Variants in SLC35F2 observed in about 807,000 individuals in gnomAD.
SLC35F2 encodes the protein queuine/queuosine transporter SLC35F2.
Under a neutral mutation model 38.1 loss-of-function variants are expected in SLC35F2, and 25 were observed. That is an observed-to-expected ratio of 0.66 (90% CI 0.48 to 0.92). SLC35F2 has a LOEUF of 0.92. Among genes scored for constraint, SLC35F2 ranks in the 40% least tolerant of loss-of-function variants. The pLI, the probability that SLC35F2 is intolerant of heterozygous loss-of-function variation, is 0.00. For missense variants in SLC35F2, 409 were observed against 452.9 expected (o/e 0.90, Z 0.88); for synonymous variants, 173 against 181.7 (o/e 0.95, Z 0.38).
intron 5 of SLC35F2, 59 bp downstream of exon 5, chr11:107,805,300 G>A: frequency 6.7e-7 from 1 of 1,498,940 alleles, no homozygotes. Flanking sequence ...AATATTAGTA[G>A]TTATCATCTA....
At chr11:107,826,213 A>T (rs1317434798) in intron 1 of SLC35F2, among the ~76,000 whole-genome samples, 1 of 152,194 alleles carries the variant, frequency 6.6e-6, no homozygotes, top group Admixed American at 6.5e-5. Flanking sequence ...AAATGTGGAG[A>T]AAAATGGGTA....
intron 1 of SLC35F2, chr11:107,816,192 C>T (rs1859571258): frequency 1.0e-6 from 1 of 985,252 alleles, no homozygotes; most frequent in Non-Finnish European, 1.2e-6. Flanking sequence ...AAAGCATATT[C>T]CCCCATTTCA....
intron 1 of SLC35F2, chr11:107,823,304 T>C (rs73003337): frequency 0.011 from 7,819 of 725,656 alleles, 56 homozygotes; most frequent in Non-Finnish European, 0.013. Context: ...GATGCATTAT[T>C]TGAATGCAAA....
rs566226785 is a variant in SLC35F2, at chr11:107,832,015, G to A, written c.111-16050C>T. ...CACCAGTTATAGTTTCTTATGGAGC[G>A]GGACATTTCTGAAATTGGCAAAATA... On this transcript the variant is annotated intron_variant, in intron 1 of 7. Coordinates refer to ENST00000525815, the MANE Select transcript of SLC35F2 (RefSeq NM_017515.5). 8.5e-5 allele frequency among the ~76,000 whole-genome samples: 13 copies of A among 152,160 alleles called. 1 individual carries two copies. Among genetic ancestry groups the A allele is most frequent in the South Asian group, 2.1e-4 (1 of 4,820 alleles).
At chr11:107,808,384 T>A (rs1456321962) in intron 3 of SLC35F2, among the ~76,000 whole-genome samples, 1 of 152,178 alleles carries the variant, frequency 6.6e-6, no homozygotes, top group Non-Finnish European at 1.5e-5. Flanking sequence ...ACTCAATTCT[T>A]AAATTCACAA....
chr11:107,792,948 G>A (rs1205762313), intron 7 of SLC35F2, 148 bp from the exon 8 acceptor site: 22 of 1,326,132 alleles, frequency 1.7e-5, no homozygotes, highest in Non-Finnish European at 1.8e-5. Context: ...ACAGGGTCTC[G>A]CTCTGTGGCC....
chr11:107,842,972 G>C (rs1439145103), intron 1 of SLC35F2, among the ~76,000 whole-genome samples: 1 of 152,140 alleles, frequency 6.6e-6, no homozygotes, highest in East Asian at 1.9e-4. Flanking sequence ...ATATTACAAA[G>C]AGTCAAAGTG....
chr11:107,852,515 C>A (rs1363166195), intron 1 of SLC35F2, among the ~76,000 whole-genome samples: 2 of 145,658 alleles, frequency 1.4e-5, no homozygotes, highest in African/African-American at 5.1e-5. Flanking sequence ...TGTGCTACTG[C>A]ATTCCAGCTG....
At chr11:107,845,429 G>A (rs1860091130) in intron 1 of SLC35F2, among the ~76,000 whole-genome samples, 1 of 151,826 alleles carries the variant, frequency 6.6e-6, no homozygotes, top group African/African-American at 2.4e-5. Flanking sequence ...GCTGAGGCTG[G>A]AGGATTGCTT....
chr11:107,846,266 C>T (rs1035968584), intron 1 of SLC35F2, among the ~76,000 whole-genome samples: 6 of 151,112 alleles, frequency 4.0e-5, no homozygotes, highest in African/African-American at 1.2e-4. Flanking sequence ...TGAAAAAAAT[C>T]AGACAAATAA....
chr11:107,844,789 A>G (rs1283988615), intron 1 of SLC35F2, among the ~76,000 whole-genome samples: 1 of 151,884 alleles, frequency 6.6e-6, no homozygotes, highest in African/African-American at 2.4e-5. Flanking sequence ...CCTGGCTAAC[A>G]TGGTGAAACC....
At chr11:107,800,769 A>G (rs926609511) in intron 7 of SLC35F2, among the ~76,000 whole-genome samples, 1 of 152,018 alleles carries the variant, frequency 6.6e-6, no homozygotes, top group Admixed American at 6.6e-5. Context: ...ATTTTTTTGT[A>G]GGGATGGGGT....
chr11:107,833,233 T>G (rs12146459), intron 1 of SLC35F2, among the ~76,000 whole-genome samples: 8,785 of 151,840 alleles, frequency 0.058, 527 homozygotes, highest in African/African-American at 0.15. Flanking sequence ...GCTAAGAGAG[T>G]TGAAATGGCT....
At chr11:107,822,671 A>G (rs1279422304) in intron 1 of SLC35F2, among the ~76,000 whole-genome samples, 1 of 152,146 alleles carries the variant, frequency 6.6e-6, no homozygotes, top group Non-Finnish European at 1.5e-5. Context: ...TGCCTGGCAA[A>G]TAGGGTATTT....
chr11:107,815,213 A>G (rs12791390), intron 2 of SLC35F2, among the ~76,000 whole-genome samples: 13,762 of 150,572 alleles, frequency 0.091, 762 homozygotes, highest in African/African-American at 0.16. Context: ...AATATTTTAA[A>G]ATATTTTTAA....
chr11:107,831,636 A>C (rs1036690918), intron 1 of SLC35F2, among the ~76,000 whole-genome samples: 1 of 152,220 alleles, frequency 6.6e-6, no homozygotes, highest in African/African-American at 2.4e-5. Context: ...CATTAATCCT[A>C]TATTTCCCAG....
intron 1 of SLC35F2, among the ~76,000 whole-genome samples, chr11:107,825,378 T>C (rs1385570727): frequency 5.5e-5 from 8 of 145,898 alleles, no homozygotes; most frequent in African/African-American, 1.1e-4. Flanking sequence ...TTTTTTTTTT[T>C]CTTTTTTTTT....
intron 1 of SLC35F2, among the ~76,000 whole-genome samples, chr11:107,835,123 C>T (rs987468309): frequency 6.6e-6 from 1 of 152,330 alleles, no homozygotes; most frequent in African/African-American, 2.4e-5. Context: ...AAATCATTAA[C>T]ACGCACACTC....
chr11:107,814,853 T>C (rs1241819092), intron 2 of SLC35F2, among the ~76,000 whole-genome samples: 3 of 152,108 alleles, frequency 2.0e-5, no homozygotes, highest in Non-Finnish European at 1.5e-5. Context: ...ATCCCAGCAC[T>C]CTGGGAGGGC....
Sources: gnomAD v4.1 joint callset for allele counts (sites outside exome capture counted in the v4.1 genomes callset) on GRCh38, gnomAD v4.1.1 for gene constraint, MANE v1.5 for transcripts, NCBI Gene and HGNC (gene_info 2026-07-23, HGNC 2026-07-21) for gene names.